Variants in CAST observed in about 807,000 individuals in gnomAD.
CAST encodes MIR583 host.
In CAST, 76 loss-of-function variants were observed where a neutral mutation model predicts 119.6. The ratio of observed to expected loss-of-function variants is 0.64; its 90% CI spans 0.53 to 0.77. CAST has a LOEUF of 0.77. Ranked by LOEUF, CAST falls within the 30% of genes least tolerant of loss-of-function variation. The pLI, the probability that CAST is intolerant of heterozygous loss-of-function variation, is 0.00. For missense variants in CAST, 953 were observed against 946.5 expected (o/e 1.01, Z -0.09); for synonymous variants, 319 against 331.6 (o/e 0.96, Z 0.41).
At chr5:96,684,061 G>C (rs1751761650) in intron 2 of CAST, among the ~76,000 whole-genome samples, 1 of 152,130 alleles carries the variant, frequency 6.6e-6, no homozygotes, top group African/African-American at 2.4e-5. Context: ...CTGAGTGTAG[G>C]GTTTAGGGTC....
the CAST span, chr5:96,412,558 A>G: frequency 7.4e-7 from 1 of 1,349,728 alleles, no homozygotes; most frequent in African/African-American, 1.4e-5. Context: ...AAAGCCCAAT[A>G]CTCTTACTAT....
intron 15 of CAST, 88 bp downstream of exon 15, chr5:96,741,668 T>C: frequency 2.5e-6 from 2 of 813,356 alleles, no homozygotes; most frequent in East Asian, 2.5e-5. Flanking sequence ...TAACCCATGA[T>C]GAGAAGCCAT....
At chr5:95,978,879 A>G in the CAST span, among the ~76,000 whole-genome samples, 4 of 152,196 alleles carry the variant, frequency 2.6e-5, no homozygotes, top group African/African-American at 9.7e-5. Flanking sequence ...TTGGGCATTT[A>G]AAGTCTGATG....
chr5:96,076,635 G>A, the CAST span, among the ~76,000 whole-genome samples: 2 of 152,330 alleles, frequency 1.3e-5, no homozygotes, highest in East Asian at 1.9e-4. Context: ...TAGGAAGTCA[G>A]TCTCTGTAGT....
the CAST span, among the ~76,000 whole-genome samples, chr5:96,471,013 G>A: frequency 1.3e-5 from 2 of 152,070 alleles, no homozygotes; most frequent in African/African-American, 4.8e-5. Flanking sequence ...TTGAGGTCAT[G>A]GAGATAGGAC....
At chr5:96,080,078 G>T in the CAST span, among the ~76,000 whole-genome samples, 1 of 152,098 alleles carries the variant, frequency 6.6e-6, no homozygotes, top group Admixed American at 6.5e-5. Context: ...ATTATTATGG[G>T]TTTGACTGCC....
At chr5:96,185,350 GATTTGT>G in the CAST span, among the ~76,000 whole-genome samples, 1 of 151,964 alleles carries the variant, frequency 6.6e-6, no homozygotes, top group South Asian at 2.1e-4. Context: ...CTCTTTAGTT[GATTTGT>G]ATCCCATTTG....
chr5:96,629,303 C>T (rs565542673), intron 1 of CAST, among the ~76,000 whole-genome samples: 2 of 152,294 alleles, frequency 1.3e-5, no homozygotes, highest in Admixed American at 6.5e-5. Flanking sequence ...CTTGGGCTTC[C>T]CATTCTCCAG....
chr5:96,280,344 A>G, the CAST span, among the ~76,000 whole-genome samples: 1 of 152,250 alleles, frequency 6.6e-6, no homozygotes, highest in East Asian at 1.9e-4. Context: ...ATATTAGGAT[A>G]AAGTTTTGTC....
At chr5:96,519,574 G>A in the CAST span, among the ~76,000 whole-genome samples, 2 of 152,042 alleles carry the variant, frequency 1.3e-5, no homozygotes, top group African/African-American at 4.8e-5. Flanking sequence ...GAATTTCATG[G>A]CATGATTTTT....
intron 3 of CAST, among the ~76,000 whole-genome samples, chr5:96,714,433 G>T (rs79041958): frequency 2.0e-5 from 3 of 152,286 alleles, no homozygotes; most frequent in African/African-American, 7.2e-5. Context: ...ATAAAGAAAA[G>T]GTGCGCAAGA....
intron 1 of CAST, among the ~76,000 whole-genome samples, chr5:96,534,739 G>GAGAGAGAAAGAGAAAA (rs1745757908): frequency 8.8e-5 from 2 of 22,676 alleles, no homozygotes; most frequent in African/African-American, 2.8e-4. Flanking sequence ...GAGAGAGAGA[G>GAGAGAGAAAGAGAAAA]AGAAAGAAAG....
intron 1 of CAST, among the ~76,000 whole-genome samples, chr5:96,590,972 C>T (rs377581808): frequency 3.9e-5 from 6 of 152,298 alleles, no homozygotes; most frequent in South Asian, 4.1e-4. Context: ...GATTGCTTGA[C>T]GGTGTTTCAT....
At chr5:96,071,740 T>A in the CAST span, among the ~76,000 whole-genome samples, 1 of 152,102 alleles carries the variant, frequency 6.6e-6, no homozygotes, top group Non-Finnish European at 1.5e-5. Context: ...ATCTGCTAGT[T>A]TTTTTAAAAA....
chr5:96,046,293 G>A, the CAST span, among the ~76,000 whole-genome samples: 267 of 152,228 alleles, frequency 1.8e-3, 1 homozygote, highest in African/African-American at 6.1e-3. Flanking sequence ...ATGGGTGACA[G>A]GATCTTGAAT....
At chr5:96,151,270 C>T in the CAST span, among the ~76,000 whole-genome samples, 1 of 152,170 alleles carries the variant, frequency 6.6e-6, no homozygotes, top group Non-Finnish European at 1.5e-5. Flanking sequence ...TGCTTTCTGT[C>T]TGCACATACT....
chr5:96,238,178 C>T, the CAST span, among the ~76,000 whole-genome samples: 10 of 152,016 alleles, frequency 6.6e-5, no homozygotes, highest in East Asian at 1.2e-3. Flanking sequence ...AGGTTGTTCT[C>T]TTTCCTCTGT....
At chr5:96,010,626 C>A in the CAST span, among the ~76,000 whole-genome samples, 5 of 152,216 alleles carry the variant, frequency 3.3e-5, no homozygotes, top group South Asian at 1.0e-3. Flanking sequence ...ATATTTTTTT[C>A]TAATTCTGTA....
At chr5:96,202,909 G>A in the CAST span, among the ~76,000 whole-genome samples, 2 of 151,826 alleles carry the variant, frequency 1.3e-5, no homozygotes, top group Non-Finnish European at 2.9e-5. Context: ...CCTTTCTTAG[G>A]ACTTCATTTA....
Sources: gnomAD v4.1 joint callset for allele counts (sites outside exome capture counted in the v4.1 genomes callset) on GRCh38, gnomAD v4.1.1 for gene constraint, MANE v1.5 for transcripts, NCBI Gene and HGNC (gene_info 2026-07-23, HGNC 2026-07-21) for gene names.